FAM120A: variants seen among roughly 807,000 people sequenced by gnomAD.
FAM120A encodes the protein family with sequence similarity 120 member A.
A neutral mutation model predicts 109.7 loss-of-function variants in FAM120A; 15 were observed. The observed-to-expected ratio is 0.14, with a 90% CI of 0.09 to 0.21. The LOEUF is 0.21. FAM120A is among the 10% of genes least tolerant of loss of function. The pLI is 1.00. For missense variants in FAM120A, 899 were observed against 1,439.3 expected (o/e 0.62, Z 6.07); for synonymous variants, 493 against 572.8 (o/e 0.86, Z 1.99).
rs371196115 is a variant in FAM120A, at chr9:93,458,481, C to T, written c.474+6092C>T. Among the ~76,000 whole-genome samples, 192 of 152,220 alleles carry T rather than the reference C, an allele frequency of 1.3e-3. 1 individual carries two copies. Among genetic ancestry groups the T allele is most frequent in the African/African-American group, 4.4e-3 (183 of 41,532 alleles). ...TCCCAGTCCCTAGAATAATGACACA[C>T]CAGGCCAATTCTGGCTCAGTAGTCT... is the stretch of plus-strand genomic sequence containing the variant. On this transcript the variant is annotated intron_variant, in intron 1 of 17. Coordinates refer to ENST00000277165, the MANE Select transcript of FAM120A (RefSeq NM_014612.5).
chr9:93,458,160 C>A (rs7874734), intron 1 of FAM120A, among the ~76,000 whole-genome samples: 1 of 151,362 alleles, frequency 6.6e-6, no homozygotes, highest in African/African-American at 2.5e-5. Flanking sequence ...CCTCTCTCAT[C>A]TGGCATCCTG....
chr9:93,549,773 T>C (rs1199711993), intron 11 of FAM120A, among the ~76,000 whole-genome samples: 1 of 152,250 alleles, frequency 6.6e-6, no homozygotes, highest in Non-Finnish European at 1.5e-5. Context: ...TTCAAGTTTA[T>C]GGAATGCAAA....
chr9:93,525,223 C>T (rs144402367), intron 7 of FAM120A, among the ~76,000 whole-genome samples: 2 of 152,234 alleles, frequency 1.3e-5, no homozygotes, highest in African/African-American at 4.8e-5. Flanking sequence ...CTACATAGAA[C>T]AACACTAAGG....
At chr9:93,470,340 T>C (rs1394057181) in intron 1 of FAM120A, among the ~76,000 whole-genome samples, 1 of 152,208 alleles carries the variant, frequency 6.6e-6, no homozygotes, top group Admixed American at 6.5e-5. Context: ...TGTTTTGGTA[T>C]ATTTTTTGGA....
At position 93,527,614 on chromosome 9, in the gene FAM120A, A is replaced by ATTTTTTTTTT. The variant is rs67894788; in HGVS notation, c.1506+389_1506+398dup. On this transcript the variant is annotated intron_variant, in intron 8 of 17. Transcript: ENST00000277165. ...CTTTTTAAAAAAATTTTTGTATTTA[A>ATTTTTTTTTT]TTTTTTTTTTTTTTTTTTTTTTTTT... 1.2e-4 allele frequency among the ~76,000 whole-genome samples: 10 copies of ATTTTTTTTTT among 80,700 alleles called. 1 individual carries two copies. Among genetic ancestry groups the ATTTTTTTTTT allele is most frequent in the Non-Finnish European group, 1.9e-4 (8 of 42,504 alleles). The allele number at this position is 80,700 out of a possible 152,430, so 52.9% of individuals were successfully genotyped here.
intron 8 of FAM120A, among the ~76,000 whole-genome samples, chr9:93,527,600 A>G (rs1039560714): frequency 6.8e-6 from 1 of 147,994 alleles, no homozygotes; most frequent in African/African-American, 2.4e-5. Flanking sequence ...TTTTTAAAAA[A>G]ATTTTTGTAT....
chr9:93,453,456 T>A, intron 1 of FAM120A: 1 of 985,480 alleles, frequency 1.0e-6, no homozygotes, highest in Non-Finnish European at 1.2e-6. Context: ...TTGTCTTAGC[T>A]CTTGACACTC....
At chr9:93,562,379 T>G in intron 17 of FAM120A, 75 bp downstream of exon 17, 1 of 1,102,940 alleles carries the variant, frequency 9.1e-7, no homozygotes, top group Non-Finnish European at 1.4e-6. Flanking sequence ...GCACTTCTAG[T>G]ACCTGCGCTC....
At chr9:93,474,597 G>A (rs1454219687) in intron 2 of FAM120A, among the ~76,000 whole-genome samples, 1 of 151,086 alleles carries the variant, frequency 6.6e-6, no homozygotes, top group South Asian at 2.1e-4. Flanking sequence ...TTCTTTTTTT[G>A]TTTGTTTGTT....
Position 93,498,667 on chromosome 9 carries a change from C to G in FAM120A, c.934-123C>G. ...TTTCCCTGAAAGTTTTAATGTCATT[C>G]AAAATTCTTCTCTAACTTGAAAAGC... On this transcript the variant is annotated intron_variant, in intron 4 of 17. Transcript: ENST00000277165. This position sits in a 1 kb window ranked among gnomAD's most constrained non-coding sequence, Gnocchi z 4.4. 1 of 715,882 alleles carries G rather than the reference C, an allele frequency of 1.4e-6. No individual in the cohort carries two copies. The highest frequency in any genetic ancestry group is 1.5e-5 in the South Asian group (1 of 64,586). The allele number at this position is 715,882 out of a possible 1,614,324, so 44.3% of individuals were successfully genotyped here.
At chr9:93,474,743 G>A (rs893700633) in intron 2 of FAM120A, among the ~76,000 whole-genome samples, 2 of 152,036 alleles carry the variant, frequency 1.3e-5, no homozygotes, top group Non-Finnish European at 2.9e-5. Flanking sequence ...ACAGGCAACC[G>A]CCACCACTCC....
In FAM120A at chr9:93,500,299, C is replaced by T. The variant is rs924376277; in HGVS notation, c.1030+1413C>T. Among the ~76,000 whole-genome samples, 3 of 152,232 alleles carry T rather than the reference C, an allele frequency of 2.0e-5. No individual in the cohort carries two copies. Among genetic ancestry groups the T allele is most frequent in the Non-Finnish European group, 2.9e-5 (2 of 68,036 alleles). ...ATCATCTGAGACTGCTGGCTTCTCA[C>T]TCCTGAGCGCAGCCTCCTTTCTTGC... On this transcript the variant is annotated intron_variant, in intron 5 of 17. Coordinates refer to ENST00000277165, the MANE Select transcript of FAM120A (RefSeq NM_014612.5). The surrounding 1 kb of genome is among the most constrained non-coding windows in gnomAD (Gnocchi z 4.6).
intron 7 of FAM120A, among the ~76,000 whole-genome samples, chr9:93,523,566 T>C (rs1860935756): frequency 6.6e-6 from 1 of 152,242 alleles, no homozygotes; most frequent in Non-Finnish European, 1.5e-5. Flanking sequence ...TTACGTTGTG[T>C]TCTAGCCATC....
In FAM120A at chr9:93,452,332, G is replaced by A; in HGVS notation, c.417G>A (p.Leu139=). Residue 139 remains leucine (L), a synonymous_variant, in exon 1 of 18, where the codon CTG becomes CTA. Coordinates refer to ENST00000277165, the MANE Select transcript of FAM120A (RefSeq NM_014612.5). This position sits in a 1 kb window ranked among gnomAD's most constrained non-coding sequence, Gnocchi z 7.0. ...KGTPPPKVWF[L]PPVCMAHCIR... Reference sequence around the variant, plus strand: ...CCCCGCCGCCAAAGGTCTGGTTCCTGCCGCCCGTCTGCATGGCCCACTGCA... The same window carrying A: ...CCCCGCCGCCAAAGGTCTGGTTCCTACCGCCCGTCTGCATGGCCCACTGCA... 1 of 1,612,940 alleles carries A rather than the reference G, an allele frequency of 6.2e-7. No homozygotes were observed. The highest frequency in any genetic ancestry group is 8.5e-7 in the Non-Finnish European group (1 of 1,179,844).
intron 1 of FAM120A, among the ~76,000 whole-genome samples, chr9:93,462,099 A>G (rs1857820339): frequency 6.6e-6 from 1 of 152,234 alleles, no homozygotes; most frequent in African/African-American, 2.4e-5. Context: ...ATCAAAGGAA[A>G]AGGAAAACTC....
intron 7 of FAM120A, among the ~76,000 whole-genome samples, chr9:93,524,881 G>A (rs1003362403): frequency 2.6e-4 from 40 of 152,294 alleles, no homozygotes; most frequent in Admixed American, 4.6e-4. Flanking sequence ...GTCTCAGCAC[G>A]TCTCAGCGCA....
At position 93,498,873 on chromosome 9, in the gene FAM120A, A is replaced by T. The variant is rs781127501; in HGVS notation, c.1017A>T (p.Pro339=). 6.9e-6 allele frequency: 11 copies of T among 1,593,424 alleles called. No individual in the cohort carries two copies. The highest frequency in any genetic ancestry group is 4.4e-5 in the South Asian group (4 of 90,680). ...CTAGTAAGCCTATGTCATTTCATCCACCACATTACTTAGGTAAGTAAATAA... is the reference window on the plus strand; with the variant it reads ...CTAGTAAGCCTATGTCATTTCATCCTCCACATTACTTAGGTAAGTAAATAA... ...SATSKPMSFH[P]PHYLAARPGP... is the part of the protein sequence containing the mutation. The change falls in exon 5 of 18, where the codon CCA becomes CCT. Residue 339 remains proline (P), a synonymous_variant. Coordinates refer to ENST00000277165, the MANE Select transcript of FAM120A (RefSeq NM_014612.5). The surrounding 1 kb of genome is among the most constrained non-coding windows in gnomAD (Gnocchi z 4.4).
chr9:93,511,924 T>C (rs1860340087), intron 5 of FAM120A, among the ~76,000 whole-genome samples: 1 of 152,188 alleles, frequency 6.6e-6, no homozygotes, highest in Non-Finnish European at 1.5e-5. Context: ...CCCGAGTAGC[T>C]GGGGTTATAG....
intron 1 of FAM120A, chr9:93,453,475 A>G (rs1221148558): frequency 1.0e-6 from 1 of 985,444 alleles, no homozygotes; most frequent in East Asian, 1.1e-4. Flanking sequence ...TCGGTCTTCC[A>G]TCTTGTCATT....
Sources: allele counts gnomAD v4.1 joint callset (sites outside exome capture counted in the v4.1 genomes callset), GRCh38; gene constraint gnomAD v4.1.1; non-coding constraint Gnocchi (gnomAD v3.1); transcripts MANE v1.5; gene names NCBI Gene and HGNC (gene_info 2026-07-23, HGNC 2026-07-21).